The following GSK3B variants were observed in gnomAD, a reference collection of about 807,000 sequenced individuals.
GSK3B encodes the protein glycogen synthase kinase-3 beta.
Under a neutral mutation model 56.4 loss-of-function variants are expected in GSK3B, and 15 were observed. The ratio of observed to expected loss-of-function variants is 0.27; its 90% confidence interval spans 0.18 to 0.41. The LOEUF (loss-of-function observed/expected upper bound fraction) is 0.41, where lower values mean the gene tolerates loss of function less well. GSK3B is among the 10% of genes least tolerant of loss of function. The pLI is 1.00. For synonymous variants in GSK3B, 181 were observed against 188.9 expected (o/e 0.96, Z 0.34); for missense variants, 300 against 513.4 (o/e 0.58, Z 4.02).
At chr3:119,978,454 T>C (rs1401138014) in intron 2 of GSK3B, among the ~76,000 whole-genome samples, 1 of 152,230 alleles carries the variant, frequency 6.6e-6, no homozygotes, top group Non-Finnish European at 1.5e-5. Context: ...AAAATAAACC[T>C]GTCTTTAACT....
chr3:120,002,736 T>C (rs757168332), intron 1 of GSK3B, among the ~76,000 whole-genome samples: 1 of 152,224 alleles, frequency 6.6e-6, no homozygotes, highest in Non-Finnish European at 1.5e-5. Flanking sequence ...TAAACTCCCA[T>C]GTATTCAGTC....
At chr3:120,061,265 T>C (rs1167200363) in intron 1 of GSK3B, among the ~76,000 whole-genome samples, 1 of 152,214 alleles carries the variant, frequency 6.6e-6, no homozygotes, top group Non-Finnish European at 1.5e-5. Context: ...TCTTGTTAGA[T>C]AATACATGTT....
intron 1 of GSK3B, among the ~76,000 whole-genome samples, chr3:120,009,451 A>G (rs2057760107): frequency 6.6e-6 from 1 of 152,224 alleles, no homozygotes; most frequent in Admixed American, 6.5e-5. Context: ...CATCAGTGAT[A>G]GACTGGATTA....
At chr3:119,959,741 T>G (rs1256236505) in intron 2 of GSK3B, among the ~76,000 whole-genome samples, 2 of 151,928 alleles carry the variant, frequency 1.3e-5, no homozygotes, top group Non-Finnish European at 2.9e-5. Flanking sequence ...GGTCTTGAAC[T>G]CGTGACCTCA....
At chr3:120,012,360 C>A (rs1012389149) in intron 1 of GSK3B, among the ~76,000 whole-genome samples, 5 of 152,150 alleles carry the variant, frequency 3.3e-5, no homozygotes, top group Non-Finnish European at 7.3e-5. Flanking sequence ...ACTAAATTTC[C>A]TAGCATACAT....
At chr3:120,067,993 G>C (rs1344226122) in intron 1 of GSK3B, among the ~76,000 whole-genome samples, 1 of 152,124 alleles carries the variant, frequency 6.6e-6, no homozygotes, top group Non-Finnish European at 1.5e-5. Context: ...TTTTTAAAAG[G>C]CGGAATCATG....
chr3:120,089,456 T>G (rs148708792), intron 1 of GSK3B, among the ~76,000 whole-genome samples: 1 of 152,228 alleles, frequency 6.6e-6, no homozygotes, highest in South Asian at 2.1e-4. Context: ...TTTTTAGATG[T>G]CATAAAGAGA....
At chr3:120,033,399 T>C (rs1490099517) in intron 1 of GSK3B, among the ~76,000 whole-genome samples, 1 of 152,224 alleles carries the variant, frequency 6.6e-6, no homozygotes, top group Non-Finnish European at 1.5e-5. Flanking sequence ...ACTACCAGAT[T>C]GTTTTCCAAA....
At chr3:119,927,342 T>C (rs1028739361) in intron 3 of GSK3B, among the ~76,000 whole-genome samples, 4 of 152,090 alleles carry the variant, frequency 2.6e-5, no homozygotes, top group East Asian at 1.9e-4. Context: ...AAAGTGAGAA[T>C]GAATGCAGGG....
intron 1 of GSK3B, among the ~76,000 whole-genome samples, chr3:120,090,956 C>T (rs1206306873): frequency 6.6e-6 from 1 of 152,082 alleles, no homozygotes; most frequent in Non-Finnish European, 1.5e-5. Flanking sequence ...CATCATTGTT[C>T]CTTGGTACAC....
At chr3:120,020,407 C>T (rs1384678430) in intron 1 of GSK3B, among the ~76,000 whole-genome samples, 2 of 152,094 alleles carry the variant, frequency 1.3e-5, no homozygotes, top group Non-Finnish European at 2.9e-5. Context: ...CCCATGTTAA[C>T]CAAGTCTATC....
chr3:119,871,034 C>T lies in GSK3B; in HGVS notation c.909+5379G>A, dbSNP rs114579632. Among the ~76,000 whole-genome samples, 14 of 152,152 alleles carry T rather than the reference C, an allele frequency of 9.2e-5. 1 individual carries two copies. The highest frequency in any genetic ancestry group is 2.9e-4 in the African/African-American group (12 of 41,440). On this transcript the variant is annotated intron_variant, in intron 8 of 10. Coordinates refer to ENST00000264235, the MANE Select transcript of GSK3B (RefSeq NM_001146156.2). ...GGCATTTTAATAATACATTGAACAA[C>T]GGTTAAAACAGGTAGGTTTACCAAG...
At chr3:119,949,789 G>A (rs555089103) in intron 2 of GSK3B, among the ~76,000 whole-genome samples, 4 of 94,294 alleles carry the variant, frequency 4.2e-5, no homozygotes, top group South Asian at 7.4e-4. Context: ...GCAAGACTCC[G>A]TCTCAAAAAA....
At chr3:119,868,113 G>A (rs2056205876) in intron 8 of GSK3B, among the ~76,000 whole-genome samples, 1 of 148,400 alleles carries the variant, frequency 6.7e-6, no homozygotes, top group African/African-American at 2.5e-5. Context: ...AAAATAAGAA[G>A]AAGAAGAAAG....
chr3:119,916,219 C>T lies in GSK3B; in HGVS notation c.478-45G>A, dbSNP rs72546693. ...TTAATTAAATACTTCCTATTCTAAA[C>T]AAATCAGAATCCTTAAGCAGTCAAT... On this transcript the variant is annotated intron_variant, in intron 4 of 10. Coordinates refer to ENST00000264235, the MANE Select transcript of GSK3B (RefSeq NM_001146156.2). 1.4e-3 allele frequency: 2,042 copies of T among 1,500,926 alleles called. 13 individuals carry two copies. Among genetic ancestry groups the T allele is most frequent in the South Asian group, 9.5e-3 (824 of 86,468 alleles). The allele number at this position is 1,500,926 out of a possible 1,614,324, so 93.0% of individuals were successfully genotyped here. A position where few individuals can be genotyped will look rare whatever the true frequency, so the allele number is the denominator to read the frequency against.
chr3:119,895,114 T>A (rs2056547741), intron 7 of GSK3B, among the ~76,000 whole-genome samples: 1 of 152,132 alleles, frequency 6.6e-6, no homozygotes, highest in South Asian at 2.1e-4. Flanking sequence ...TAAACACTAT[T>A]CTTCTCTCTC....
At chr3:120,090,221 A>G (rs1266730839) in intron 1 of GSK3B, among the ~76,000 whole-genome samples, 1 of 124,788 alleles carries the variant, frequency 8.0e-6, no homozygotes, top group East Asian at 2.3e-4. Flanking sequence ...AGGCTTTTGA[A>G]GCTGTATATA....
intron 1 of GSK3B, 64 bp from the exon 2 acceptor site, chr3:120,002,303 C>A: frequency 1.3e-6 from 1 of 795,102 alleles, no homozygotes; most frequent in South Asian, 2.9e-5. Context: ...AGAAAACTGC[C>A]AAAATATACA....
chr3:120,092,385 G>C (rs1472117476), intron 1 of GSK3B, among the ~76,000 whole-genome samples: 1 of 152,110 alleles, frequency 6.6e-6, no homozygotes, highest in African/African-American at 2.4e-5. Flanking sequence ...TAAATCCACA[G>C]TTATCTAAAT....
Sources: allele counts gnomAD v4.1 joint callset (sites outside exome capture counted in the v4.1 genomes callset), GRCh38; gene constraint gnomAD v4.1.1; transcripts MANE v1.5; gene names NCBI Gene and HGNC (gene_info 2026-07-23, HGNC 2026-07-21).